The following TMPRSS9 variants were observed in gnomAD, a reference collection of about 807,000 sequenced individuals.
TMPRSS9 encodes transmembrane protease serine 9.
TMPRSS9 carries 113 observed loss-of-function variants against 111.4 expected under a neutral mutation model. That is an observed-to-expected ratio of 1.01 (90% confidence interval 0.87 to 1.19). The LOEUF (loss-of-function observed/expected upper bound fraction) is 1.19, where lower values mean the gene tolerates loss of function less well. Among genes scored for constraint, TMPRSS9 ranks in the 50% most tolerant of loss-of-function variants. TMPRSS9 has a pLI of 0.00. For synonymous variants in TMPRSS9, 805 were observed against 659.1 expected, an observed-to-expected ratio of 1.22 and a Z score of -3.39; for missense variants, 1,803 against 1,513.1, an observed-to-expected ratio of 1.19 and a Z score of -3.18.
upstream of TMPRSS9, among the ~76,000 whole-genome samples, chr19:2,387,554 G>C (rs1055663316): frequency 6.7e-6 from 1 of 150,082 alleles, no homozygotes; most frequent in Non-Finnish European, 1.5e-5. Flanking sequence ...GGAAGGGAAA[G>C]GAAGGGAGGA....
intron 1 of TMPRSS9, among the ~76,000 whole-genome samples, chr19:2,361,090 C>T (rs993930230): frequency 7.0e-6 from 1 of 142,608 alleles, no homozygotes; most frequent in African/African-American, 2.6e-5. Flanking sequence ...GCCTGGAGCC[C>T]TCTGGGGTCA....
chr19:2,373,764 C>T lies in TMPRSS9; in HGVS notation c.-26+13404C>T, dbSNP rs576270165. Reference sequence around the variant, plus strand: ...ATCCACCCGCCTCAGCCTCTTAAGGCGCTGGGATTACAGGCATGAGCCACA... The same window carrying T: ...ATCCACCCGCCTCAGCCTCTTAAGGTGCTGGGATTACAGGCATGAGCCACA... On this transcript the variant is annotated intron_variant, in intron 1 of 17. Coordinates refer to the TMPRSS9 transcript ENST00000649857. 2.9e-3 allele frequency among the ~76,000 whole-genome samples: 434 copies of T among 152,086 alleles called. 1 individual carries two copies. The highest frequency in any genetic ancestry group is 1.0e-2 in the African/African-American group (414 of 41,456).
exon 1 of TMPRSS9, chr19:2,389,829 C>T (rs1970547795): frequency 3.1e-6 from 5 of 1,613,998 alleles, no homozygotes; most frequent in Non-Finnish European, 4.2e-6. Context: ...CCCAGGACAA[C>T]CAAGGAAGTC....
At chr19:2,367,899 C>T (rs2045396338) in intron 1 of TMPRSS9, among the ~76,000 whole-genome samples, 1 of 151,672 alleles carries the variant, frequency 6.6e-6, no homozygotes, top group African/African-American at 2.4e-5. Flanking sequence ...TTAGTAGAGA[C>T]AGGGTTTTAC....
intron 4 of TMPRSS9, among the ~76,000 whole-genome samples, chr19:2,401,596 G>C (rs1015745952): frequency 6.6e-6 from 1 of 151,906 alleles, no homozygotes; most frequent in Non-Finnish European, 1.5e-5. Flanking sequence ...GCAATAGGAC[G>C]TTTTCTTTCT....
At chr19:2,365,323 A>G (rs1267173315) in intron 1 of TMPRSS9, among the ~76,000 whole-genome samples, 1 of 151,764 alleles carries the variant, frequency 6.6e-6, no homozygotes, top group Non-Finnish European at 1.5e-5. Flanking sequence ...TAACAAAAAG[A>G]CCATAGACAA....
At chr19:2,363,905 G>A (rs1970227261) in intron 1 of TMPRSS9, among the ~76,000 whole-genome samples, 1 of 151,660 alleles carries the variant, frequency 6.6e-6, no homozygotes, top group Non-Finnish European at 1.5e-5. Flanking sequence ...TCTGTAAATG[G>A]GCATGCTGAT....
intron 14 of TMPRSS9, among the ~76,000 whole-genome samples, chr19:2,422,882 C>T (rs1971498168): frequency 6.6e-6 from 1 of 150,382 alleles, no homozygotes; most frequent in Non-Finnish European, 1.5e-5. Context: ...AGTGAGACTC[C>T]AGCTAGATAA....
intron 9 of TMPRSS9, among the ~76,000 whole-genome samples, chr19:2,413,056 G>A (rs563829225): frequency 1.3e-5 from 2 of 152,140 alleles, no homozygotes; most frequent in South Asian, 2.1e-4. Context: ...TTAGCCGGGC[G>A]TGGTGATGCG....
chr19:2,425,928 G>T, exon 18 of TMPRSS9: 1 of 1,592,994 alleles, frequency 6.3e-7, no homozygotes, highest in Non-Finnish European at 8.5e-7. Context: ...CCCCAACAGG[G>T]TGACGCTGGG....
chr19:2,425,410 A>C lies in TMPRSS9; in HGVS notation c.3037A>C (p.Thr1013Pro), dbSNP rs777513500. The C allele has an allele frequency of 1.9e-6, 3 of 1,574,142 alleles. No individual in the cohort carries two copies. The Admixed American group carries it at 5.3e-5, about 28-fold the overall frequency. Reference sequence around the variant, plus strand: ...GGCCGTGCGCCTCCTCAGCGAGCAGACCTGCCGCCGCTTCTACCCAGTGCA... The same window carrying C: ...GGCCGTGCGCCTCCTCAGCGAGCAGCCCTGCCGCCGCTTCTACCCAGTGCA... The change falls in exon 17 of 18, where the codon ACC (threonine) becomes CCC (proline). Residue 1013 changes from threonine to proline, a missense_variant. Thr to Pro is a conservative substitution (Grantham distance 38). Coordinates refer to ENST00000648592, the Ensembl canonical transcript of TMPRSS9.
At chr19:2,407,613 T>TC (rs1449497760) in intron 7 of TMPRSS9, among the ~76,000 whole-genome samples, 1 of 26,722 alleles carries the variant, frequency 3.7e-5, no homozygotes, top group African/African-American at 1.2e-4. Context: ...CTTTTCTTTT[T>TC]TTTTTTTTTT....
chr19:2,396,559 T>C (rs1970712473), exon 2 of TMPRSS9: 2 of 1,609,774 alleles, frequency 1.2e-6, no homozygotes, highest in Non-Finnish European at 1.7e-6. Context: ...TACACAGGGC[T>C]TCCACGTGGA....
chr19:2,420,353 A>G (rs1971435010), intron 13 of TMPRSS9, among the ~76,000 whole-genome samples: 1 of 150,878 alleles, frequency 6.6e-6, no homozygotes, highest in Non-Finnish European at 1.5e-5. Context: ...GAGGCAGGAG[A>G]ATTGCTTGAG....
intron 1 of TMPRSS9, among the ~76,000 whole-genome samples, chr19:2,379,653 CTTTCTTTCTTTCTTTCTTTCTTTCTCTT>C: frequency 6.7e-6 from 1 of 149,408 alleles, no homozygotes; most frequent in Middle Eastern, 3.4e-3. Context: ...TTCTTTCTTT[CTTTCTTTCTTTCTTTCTTTCTTTCTCTT>C]TTTCTTTCTT....
intron 1 of TMPRSS9, among the ~76,000 whole-genome samples, chr19:2,361,920 C>T (rs558580381): frequency 6.6e-6 from 1 of 152,188 alleles, no homozygotes; most frequent in Non-Finnish European, 1.5e-5. Flanking sequence ...GGCTTCCTGA[C>T]GCCTTCCTGG....
At chr19:2,384,098 G>A (rs1970423235) in intron 1 of TMPRSS9, among the ~76,000 whole-genome samples, 2 of 152,088 alleles carry the variant, frequency 1.3e-5, no homozygotes, top group African/African-American at 4.8e-5. Flanking sequence ...GCACGTCCAG[G>A]GGACCCCGCC....
At chr19:2,393,821 C>T (rs77452974) in intron 1 of TMPRSS9, among the ~76,000 whole-genome samples, 5 of 149,478 alleles carry the variant, frequency 3.3e-5, no homozygotes, top group African/African-American at 1.2e-4. Context: ...TTGCTTGAAC[C>T]CGGGAAGTGG....
intron 1 of TMPRSS9, among the ~76,000 whole-genome samples, chr19:2,379,652 T>TCTTTCTTTCTTTCTTC (rs1970369119): frequency 1.3e-5 from 2 of 149,744 alleles, no homozygotes; most frequent in Non-Finnish European, 3.0e-5. Flanking sequence ...TTTCTTTCTT[T>TCTTTCTTTCTTTCTTC]CTTTCTTTCT....
Sources: allele counts gnomAD v4.1 joint callset (sites outside exome capture counted in the v4.1 genomes callset), GRCh38; gene constraint gnomAD v4.1.1; transcripts MANE v1.5; gene names NCBI Gene and HGNC (gene_info 2026-07-23, HGNC 2026-07-21).